NR6A1: variants seen among roughly 807,000 people sequenced by gnomAD.
NR6A1 encodes the protein retinoic acid receptor-related testis-associated receptor.
Under a neutral mutation model 59.1 loss-of-function variants are expected in NR6A1, and 7 were observed. The observed-to-expected ratio is 0.12, with a 90% CI of 0.07 to 0.22. The LOEUF (loss-of-function observed/expected upper bound fraction) is 0.22. Ranked by LOEUF, NR6A1 falls within the 10% of genes least tolerant of loss-of-function variation. NR6A1 has a pLI of 1.00. For missense variants in NR6A1, 468 were observed against 611.6 expected (o/e 0.77, Z 2.48); for synonymous variants, 243 against 236.1 (o/e 1.03, Z -0.27).
chr9:124,735,024 T>C (rs2131133706), intron 1 of NR6A1, among the ~76,000 whole-genome samples: 1 of 152,292 alleles, frequency 6.6e-6, no homozygotes, highest in East Asian at 1.9e-4. Context: ...TTTGTATTTC[T>C]AGTAGAGACA....
intron 2 of NR6A1, among the ~76,000 whole-genome samples, chr9:124,619,882 T>A (rs1471262735): frequency 6.6e-6 from 1 of 152,022 alleles, no homozygotes; most frequent in Admixed American, 6.5e-5. Flanking sequence ...ACCAATATGG[T>A]GAAACCCCGT....
intron 2 of NR6A1, among the ~76,000 whole-genome samples, chr9:124,579,971 T>C (rs1326062414): frequency 1.3e-5 from 2 of 151,898 alleles, no homozygotes; most frequent in Non-Finnish European, 2.9e-5. Context: ...GATTGCACCA[T>C]TGCACTCCAG....
chr9:124,599,566 C>T (rs1835388253), intron 2 of NR6A1: 4 of 919,394 alleles, frequency 4.4e-6, no homozygotes, highest in Non-Finnish European at 4.5e-6. Context: ...CCTGAGTGTC[C>T]GTGGCAGCCG....
At chr9:124,648,466 T>C (rs780619232) in intron 2 of NR6A1, among the ~76,000 whole-genome samples, 4 of 152,154 alleles carry the variant, frequency 2.6e-5, no homozygotes, top group Non-Finnish European at 4.4e-5. Flanking sequence ...TAAAATACAA[T>C]AAAGACCACA....
At chr9:124,529,597 C>T (rs1276342922) in intron 7 of NR6A1, among the ~76,000 whole-genome samples, 1 of 152,182 alleles carries the variant, frequency 6.6e-6, no homozygotes, top group Non-Finnish European at 1.5e-5. Context: ...CTCAGCACTA[C>T]ACTGCCTACC....
chr9:124,611,774 A>AGAGAGGGAGAGAGAGAGAAT (rs1835754220), intron 2 of NR6A1, among the ~76,000 whole-genome samples: 2 of 105,666 alleles, frequency 1.9e-5, no homozygotes, highest in African/African-American at 4.7e-5. Flanking sequence ...AGAGAGAGAG[A>AGAGAGGGAGAGAGAGAGAAT]GAGAGAGAAT....
At chr9:124,543,909 T>C in intron 3 of NR6A1, 52 bp from the exon 4 acceptor site, 1 of 1,510,646 alleles carries the variant, frequency 6.6e-7, no homozygotes, top group Non-Finnish European at 9.2e-7. Flanking sequence ...CTCATATAAG[T>C]CTTAGCACAA....
intron 2 of NR6A1, among the ~76,000 whole-genome samples, chr9:124,567,932 T>C (rs1339702103): frequency 1.3e-5 from 2 of 149,658 alleles, no homozygotes; most frequent in Admixed American, 6.6e-5. Context: ...TCCCAGAACT[T>C]TGGGAGGCCA....
chr9:124,678,257 C>A (rs1171985558), intron 2 of NR6A1, among the ~76,000 whole-genome samples: 8 of 152,150 alleles, frequency 5.3e-5, no homozygotes, highest in African/African-American at 1.4e-4. Flanking sequence ...ACGGTCTTAG[C>A]CCCAGTATAT....
chr9:124,663,352 A>G (rs1303723853), intron 2 of NR6A1, among the ~76,000 whole-genome samples: 1 of 152,210 alleles, frequency 6.6e-6, no homozygotes, highest in Non-Finnish European at 1.5e-5. Context: ...TTCGGATGCC[A>G]TTCTCAGCCT....
At chr9:124,623,334 T>C (rs533937685) in intron 2 of NR6A1, among the ~76,000 whole-genome samples, 1 of 152,140 alleles carries the variant, frequency 6.6e-6, no homozygotes, top group Non-Finnish European at 1.5e-5. Flanking sequence ...GGATAGTGTA[T>C]GTCTCATGAG....
chr9:124,585,876 T>A lies in NR6A1; in HGVS notation c.143-31306A>T, dbSNP rs1834916270. ...TTAAATCTACTCTACCTGTGTTCTA[T>A]AAATGGAACAACAAAGCCTGGATGA... On this transcript the variant is annotated intron_variant, in intron 2 of 9. Transcript: ENST00000487099. Among the ~76,000 whole-genome samples, 3 of 152,274 alleles carry A rather than the reference T, an allele frequency of 2.0e-5. No individual in the cohort carries two copies. The South Asian group carries it at 6.2e-4, about 32-fold the overall frequency.
chr9:124,599,930 G>A (rs928185472), intron 2 of NR6A1, among the ~76,000 whole-genome samples: 5 of 152,198 alleles, frequency 3.3e-5, no homozygotes, highest in African/African-American at 1.2e-4. Flanking sequence ...TATTCAAATA[G>A]ACGCTCTCAA....
At chr9:124,667,064 C>A (rs1394066304) in intron 2 of NR6A1, among the ~76,000 whole-genome samples, 2 of 146,304 alleles carry the variant, frequency 1.4e-5, no homozygotes. Flanking sequence ...GAGACAGAAT[C>A]TCACTCTGTC....
chr9:124,524,701 C>G lies in NR6A1; in HGVS notation c.1354+20G>C. The stretch of plus-strand genomic sequence containing the variant: ...AAGAGAAGCAAGGAAGGGTTGGGAG[C>G]CCAAGACCCAGAATGTTACCTGCAA... On this transcript the variant is annotated intron_variant, in intron 9 of 9. Coordinates refer to ENST00000487099, the MANE Select transcript of NR6A1 (RefSeq NM_033334.4). 3 of 1,610,800 alleles carry G rather than the reference C, an allele frequency of 1.9e-6. No individual in the cohort carries two copies. The highest frequency in any genetic ancestry group is 2.5e-6 in the Non-Finnish European group (3 of 1,178,048).
intron 2 of NR6A1, among the ~76,000 whole-genome samples, chr9:124,669,205 CTG>C (rs1196665102): frequency 1.3e-5 from 2 of 152,186 alleles, no homozygotes; most frequent in South Asian, 2.1e-4. Context: ...ATCGAAAACA[CTG>C]TTCATAAATT....
At chr9:124,756,843 G>A (rs1481096952) in intron 1 of NR6A1, among the ~76,000 whole-genome samples, 1 of 152,132 alleles carries the variant, frequency 6.6e-6, no homozygotes, top group African/African-American at 2.4e-5. Flanking sequence ...GGCAACCAGA[G>A]AAGGCTCTAG....
At chr9:124,698,989 C>T (rs370071171) in intron 2 of NR6A1, among the ~76,000 whole-genome samples, 1 of 152,160 alleles carries the variant, frequency 6.6e-6, no homozygotes, top group Non-Finnish European at 1.5e-5. Flanking sequence ...TAGAAGAAAT[C>T]GCTTGAAATA....
intron 2 of NR6A1, among the ~76,000 whole-genome samples, chr9:124,641,592 G>A (rs1836768462): frequency 6.6e-6 from 1 of 152,132 alleles, no homozygotes; most frequent in Non-Finnish European, 1.5e-5. Context: ...CCCAGCTTGG[G>A]AGGCTGAGGC....
Sources: allele counts gnomAD v4.1 joint callset (sites outside exome capture counted in the v4.1 genomes callset), GRCh38; gene constraint gnomAD v4.1.1; transcripts MANE v1.5; gene names NCBI Gene and HGNC (gene_info 2026-07-23, HGNC 2026-07-21).